Variants in ROBO1 observed in about 807,000 individuals in gnomAD.
ROBO1 encodes roundabout homolog 1.
ROBO1 carries 149 observed loss-of-function variants against 195.9 expected under a neutral mutation model. The ratio of observed to expected loss-of-function variants is 0.76; its 90% CI spans 0.67 to 0.87. ROBO1 has a LOEUF of 0.87. Among genes scored for constraint, ROBO1 ranks in the 40% least tolerant of loss-of-function variants. The pLI, the probability that ROBO1 is intolerant of heterozygous loss-of-function variation, is 0.00. For synonymous variants in ROBO1, 816 were observed against 733.2 expected (o/e 1.11, Z -1.82); for missense variants, 1,933 against 2,068.3 (o/e 0.93, Z 1.27).
intron 4 of ROBO1, among the ~76,000 whole-genome samples, chr3:78,813,859 G>C (rs1485652370): frequency 6.6e-6 from 1 of 151,974 alleles, no homozygotes; most frequent in Non-Finnish European, 1.5e-5. Context: ...ATGTTGTTAA[G>C]GCTTAGAGGT....
Position 78,809,781 on chromosome 3 carries a change from G to A in ROBO1, c.500-62881C>T, listed in dbSNP as rs184419667. On this transcript the variant is annotated intron_variant, in intron 4 of 30. Transcript: ENST00000464233. ...TGCATGTTCTCACTCATAAGTGGGA[G>A]TTGAACAATGAGAACACATGGACAC... is the stretch of plus-strand genomic sequence containing the variant. Among the ~76,000 whole-genome samples, 432 of 152,188 alleles carry A rather than the reference G, an allele frequency of 2.8e-3. 3 individuals are homozygous for A. The highest frequency in any genetic ancestry group is 9.8e-3 in the African/African-American group (406 of 41,530).
chr3:79,339,598 A>C (rs1016808041), intron 2 of ROBO1, among the ~76,000 whole-genome samples: 2 of 152,124 alleles, frequency 1.3e-5, no homozygotes, highest in Admixed American at 1.3e-4. Context: ...CCCTGAAGAT[A>C]CTTTGTAGTT....
intron 5 of ROBO1, among the ~76,000 whole-genome samples, chr3:78,733,531 C>T (rs555621987): frequency 1.3e-5 from 2 of 151,672 alleles, no homozygotes; most frequent in East Asian, 3.9e-4. Context: ...TAGGGAATTA[C>T]TAAAAAGTAT....
At chr3:79,413,161 C>G (rs2037852305) in intron 2 of ROBO1, among the ~76,000 whole-genome samples, 1 of 151,692 alleles carries the variant, frequency 6.6e-6, no homozygotes, top group Non-Finnish European at 1.5e-5. Context: ...ATTCTACAAC[C>G]TGAGCTATTT....
At chr3:79,599,942 C>T (rs1281098264) in intron 1 of ROBO1, among the ~76,000 whole-genome samples, 2 of 151,738 alleles carry the variant, frequency 1.3e-5, no homozygotes, top group African/African-American at 4.8e-5. Flanking sequence ...AAACTGTCTA[C>T]ATCACGCATT....
At chr3:79,499,399 A>G (rs1373728213) in intron 2 of ROBO1, among the ~76,000 whole-genome samples, 1 of 152,260 alleles carries the variant, frequency 6.6e-6, no homozygotes, top group Non-Finnish European at 1.5e-5. Flanking sequence ...ATACATCTGT[A>G]AAGCAAACTA....
At chr3:78,931,236 CTTTTTTTTTTTTTT>C (rs71127369) in intron 4 of ROBO1, among the ~76,000 whole-genome samples, 2 of 79,208 alleles carry the variant, frequency 2.5e-5, no homozygotes, top group Non-Finnish European at 4.8e-5. Flanking sequence ...TTCTTTCTTT[CTTTTTTTTTTTTTT>C]TTTTTTTTTG....
rs1346024619 is a variant in ROBO1, at chr3:79,134,974, C to T, written c.89-9435G>A. Among the ~76,000 whole-genome samples, 89 of 143,826 alleles carry T rather than the reference C, an allele frequency of 6.2e-4. 1 individual carries two copies. The highest frequency in any genetic ancestry group is 1.4e-4 in the Admixed American group (2 of 14,216). 94.4% of individuals were successfully genotyped at this position (143,826 alleles called of 152,430 possible). A position where few individuals can be genotyped will look rare whatever the true frequency, so the allele number is the denominator to read the frequency against. On this transcript the variant is annotated intron_variant, in intron 2 of 30. Coordinates refer to ENST00000464233, the MANE Select transcript of ROBO1 (RefSeq NM_002941.4). ...TAGTGGGTGCAGCGCACCAGCATGG[C>T]ACATGTATACATATGTAACTAACCT... is the stretch of plus-strand genomic sequence containing the variant.
At chr3:78,759,708 T>C (rs2083041667) in intron 4 of ROBO1, among the ~76,000 whole-genome samples, 1 of 152,200 alleles carries the variant, frequency 6.6e-6, no homozygotes, top group African/African-American at 2.4e-5. Flanking sequence ...TTGTTAATTA[T>C]TGTAACACAG....
chr3:78,681,705 C>T (rs1444310280), intron 10 of ROBO1, among the ~76,000 whole-genome samples: 1 of 152,086 alleles, frequency 6.6e-6, no homozygotes, highest in African/African-American at 2.4e-5. Flanking sequence ...GAGATCAAGA[C>T]CATCCTGGCT....
chr3:79,550,874 A>G (rs1437653905), intron 2 of ROBO1, among the ~76,000 whole-genome samples: 1 of 152,196 alleles, frequency 6.6e-6, no homozygotes, highest in Non-Finnish European at 1.5e-5. Flanking sequence ...TTAATCCCCA[A>G]TGCAATCTTG....
At chr3:79,552,334 T>A (rs1354129181) in intron 2 of ROBO1, among the ~76,000 whole-genome samples, 3 of 152,094 alleles carry the variant, frequency 2.0e-5, no homozygotes, top group Admixed American at 1.3e-4. Flanking sequence ...GTTTCATATG[T>A]TAGATTCAAT....
At chr3:78,681,379 G>A (rs1390748424) in intron 10 of ROBO1, among the ~76,000 whole-genome samples, 4 of 152,080 alleles carry the variant, frequency 2.6e-5, no homozygotes, top group Non-Finnish European at 4.4e-5. Context: ...AGGCATTCTG[G>A]TTGGATAGTA....
At chr3:79,136,648 A>G (rs2080414719) in intron 2 of ROBO1, among the ~76,000 whole-genome samples, 1 of 152,164 alleles carries the variant, frequency 6.6e-6, no homozygotes, top group South Asian at 2.1e-4. Flanking sequence ...CAAATACAAG[A>G]AACCCCTATA....
At chr3:79,614,904 A>C (rs931942012) in intron 1 of ROBO1, among the ~76,000 whole-genome samples, 8 of 152,154 alleles carry the variant, frequency 5.3e-5, no homozygotes, top group Non-Finnish European at 8.8e-5. Context: ...GACATTAAAA[A>C]ATAGAAATAA....
intron 1 of ROBO1, among the ~76,000 whole-genome samples, chr3:79,686,509 C>A: frequency 6.6e-6 from 1 of 152,138 alleles, no homozygotes; most frequent in East Asian, 1.9e-4. Flanking sequence ...AGCTGATAGG[C>A]AACTTCAGCA....
chr3:79,347,755 C>T (rs2035180842), intron 2 of ROBO1, among the ~76,000 whole-genome samples: 1 of 152,156 alleles, frequency 6.6e-6, no homozygotes, highest in Non-Finnish European at 1.5e-5. Flanking sequence ...TATTTAAACA[C>T]TTGCTAAGAT....
At chr3:78,647,698 G>A in intron 19 of ROBO1, 43 bp from the exon 20 acceptor site, 1 of 1,505,644 alleles carries the variant, frequency 6.6e-7, no homozygotes, top group Non-Finnish European at 9.2e-7. Context: ...TTAAGCTGAA[G>A]AGAGAAAGGG....
At chr3:78,652,044 C>T in intron 18 of ROBO1, 115 bp from the exon 19 acceptor site, 1 of 776,008 alleles carries the variant, frequency 1.3e-6, no homozygotes, top group Non-Finnish European at 2.1e-6. Flanking sequence ...TGTTTTTCCT[C>T]TCACACCACT....
Sources: allele counts gnomAD v4.1 joint callset (sites outside exome capture counted in the v4.1 genomes callset), GRCh38; gene constraint gnomAD v4.1.1; transcripts MANE v1.5; gene names NCBI Gene and HGNC (gene_info 2026-07-23, HGNC 2026-07-21).